HCRTR2: variants seen among roughly 807,000 people sequenced by gnomAD.
HCRTR2 encodes the protein orexin receptor type 2.
In HCRTR2, 22 loss-of-function variants were observed where a neutral mutation model predicts 49.0. The ratio of observed to expected loss-of-function variants is 0.45; its 90% confidence interval spans 0.32 to 0.64. The LOEUF (loss-of-function observed/expected upper bound fraction) is 0.64. HCRTR2 is among the 30% of genes least tolerant of loss of function. HCRTR2 has a pLI of 0.04. For synonymous variants in HCRTR2, 236 were observed against 205.3 expected, an observed-to-expected ratio of 1.15 and a Z score of -1.28; for missense variants, 491 against 559.4, an observed-to-expected ratio of 0.88 and a Z score of 1.23.
chr6:55,280,765 C>T (rs1204579252), intron 6 of HCRTR2, among the ~76,000 whole-genome samples: 1 of 152,130 alleles, frequency 6.6e-6, no homozygotes, highest in Non-Finnish European at 1.5e-5. Flanking sequence ...ATACTTTGTT[C>T]TGTTTTGCCT....
In HCRTR2 at chr6:55,277,393, C is replaced by T; in HGVS notation, c.776C>T (p.Ser259Leu). Residue 259 changes from serine (S) to leucine (L), a missense_variant, in exon 5 of 7, where the codon TCA becomes TTA. Transcript: ENST00000370862. ...TTCTCCTTTCAGATCCCTGGAACAT[C>T]ATCTGTAGTTCAGAGAAAATGGAAG... ...KLWCRQIPGT[S>L]SVVQRKWKPL... 1 of 1,613,598 alleles carries T rather than the reference C, an allele frequency of 6.2e-7. No individual in the cohort carries two copies. The highest frequency in any genetic ancestry group is 8.5e-7 in the Non-Finnish European group (1 of 1,179,564).
intron 1 of HCRTR2, among the ~76,000 whole-genome samples, chr6:55,184,388 G>C (rs1055549606): frequency 1.3e-5 from 2 of 152,172 alleles, no homozygotes; most frequent in Middle Eastern, 3.4e-3. Context: ...ATGCATCACT[G>C]TACTCCTAGC....
At chr6:55,145,151 C>G (rs1764561674) in intron 1 of HCRTR2, among the ~76,000 whole-genome samples, 3 of 152,126 alleles carry the variant, frequency 2.0e-5, no homozygotes, top group Admixed American at 6.5e-5. Flanking sequence ...CCTTGTTTTA[C>G]TCATTTACCT....
chr6:55,255,437 G>C, intron 3 of HCRTR2, 58 bp downstream of exon 3: 1 of 1,581,842 alleles, frequency 6.3e-7, no homozygotes, highest in South Asian at 1.1e-5. Flanking sequence ...ATTGAAAATT[G>C]GATTAGCATA....
Position 55,148,472 on chromosome 6 carries a change from C to A in HCRTR2, c.-377-25739C>A, listed in dbSNP as rs9475172. ...CCTTGCTCTTATATCAGATGGATGT[C>A]AGGCAGTAACAGCCTTACTTGCTAC... On this transcript the variant is annotated intron_variant, in intron 1 of 7. Transcript: ENST00000615358. Among the ~76,000 whole-genome samples, 1,460 of 152,186 alleles carry A rather than the reference C, an allele frequency of 9.6e-3. 25 individuals carry two copies. The highest frequency in any genetic ancestry group is 0.034 in the African/African-American group (1,396 of 41,546).
intron 1 of HCRTR2, among the ~76,000 whole-genome samples, chr6:55,248,196 G>T (rs575193628): frequency 2.4e-3 from 358 of 152,200 alleles, no homozygotes; most frequent in Middle Eastern, 0.017. Context: ...TTTGTTAAAA[G>T]TTCCAAATGC....
intron 1 of HCRTR2, among the ~76,000 whole-genome samples, chr6:55,116,678 A>T (rs925433030): frequency 2.1e-5 from 3 of 146,308 alleles, no homozygotes; most frequent in Non-Finnish European, 4.5e-5. Flanking sequence ...TGTATCAAAA[A>T]TAGTGGTTAT....
At chr6:55,196,642 T>C (rs2127281570) in intron 1 of HCRTR2, among the ~76,000 whole-genome samples, 1 of 152,296 alleles carries the variant, frequency 6.6e-6, no homozygotes, top group Non-Finnish European at 1.5e-5. Flanking sequence ...TTTGAATGGC[T>C]GTACTTCAAA....
At chr6:55,220,171 C>T (rs1016723210) in intron 1 of HCRTR2, among the ~76,000 whole-genome samples, 10 of 152,126 alleles carry the variant, frequency 6.6e-5, no homozygotes, top group East Asian at 1.9e-4. Context: ...TTGAAGAGGA[C>T]GAAGCATTTC....
At chr6:55,129,926 C>A (rs909922716) in intron 1 of HCRTR2, among the ~76,000 whole-genome samples, 2 of 152,020 alleles carry the variant, frequency 1.3e-5, no homozygotes, top group African/African-American at 4.8e-5. Flanking sequence ...ATTTCCGCTG[C>A]TTTTCCCTTA....
intron 1 of HCRTR2, among the ~76,000 whole-genome samples, chr6:55,156,718 T>C (rs1764736448): frequency 6.6e-6 from 1 of 152,130 alleles, no homozygotes; most frequent in Non-Finnish European, 1.5e-5. Context: ...AAATGGGGTT[T>C]ATTCCTGGGA....
chr6:55,166,627 T>C (rs1764881087), intron 1 of HCRTR2, among the ~76,000 whole-genome samples: 1 of 152,154 alleles, frequency 6.6e-6, no homozygotes, highest in African/African-American at 2.4e-5. Flanking sequence ...AATCTTGCCA[T>C]TGTGGAAAAC....
chr6:55,196,492 T>A (rs528963005), intron 1 of HCRTR2, among the ~76,000 whole-genome samples: 1 of 152,160 alleles, frequency 6.6e-6, no homozygotes, highest in Non-Finnish European at 1.5e-5. Flanking sequence ...ACAAATCATC[T>A]ATGGCACGAG....
At chr6:55,233,167 C>T (rs1766148284) in intron 1 of HCRTR2, among the ~76,000 whole-genome samples, 3 of 151,832 alleles carry the variant, frequency 2.0e-5, no homozygotes, top group Admixed American at 6.6e-5. Context: ...CAGCTCACTG[C>T]AATCTCCGCC....
At chr6:55,220,632 C>T (rs1360641389) in intron 1 of HCRTR2, among the ~76,000 whole-genome samples, 1 of 152,124 alleles carries the variant, frequency 6.6e-6, no homozygotes, top group Non-Finnish European at 1.5e-5. Context: ...AAAGCTTTTC[C>T]TCCAAGATCA....
chr6:55,132,410 T>G (rs1200225594), intron 1 of HCRTR2, among the ~76,000 whole-genome samples: 1 of 151,850 alleles, frequency 6.6e-6, no homozygotes, highest in Non-Finnish European at 1.5e-5. Context: ...TGGAAAAGAA[T>G]GTAGTTATTG....
At chr6:55,270,431 C>G (rs999139671) in intron 4 of HCRTR2, among the ~76,000 whole-genome samples, 30 of 152,148 alleles carry the variant, frequency 2.0e-4, no homozygotes, top group African/African-American at 7.2e-4. Flanking sequence ...ATTTTGTTCT[C>G]CATCATTATA....
At chr6:55,154,399 A>G (rs1450788607) in intron 1 of HCRTR2, among the ~76,000 whole-genome samples, 2 of 151,906 alleles carry the variant, frequency 1.3e-5, no homozygotes, top group Non-Finnish European at 2.9e-5. Context: ...AACTAAATTC[A>G]ACAGTACATT....
upstream of HCRTR2, among the ~76,000 whole-genome samples, chr6:55,171,772 T>C (rs116561417): frequency 9.6e-3 from 1,456 of 152,228 alleles, 25 homozygotes; most frequent in African/African-American, 0.034. Context: ...CAATTTACTG[T>C]GATGATTAAT....
Sources: allele counts gnomAD v4.1 joint callset (sites outside exome capture counted in the v4.1 genomes callset), GRCh38; gene constraint gnomAD v4.1.1; transcripts MANE v1.5; gene names NCBI Gene and HGNC (gene_info 2026-07-23, HGNC 2026-07-21).